Variants in NCAM2 observed in about 807,000 individuals in gnomAD.
NCAM2 encodes the protein N-CAM-2.
A neutral mutation model predicts 98.1 loss-of-function variants in NCAM2; 30 were observed. That is an observed-to-expected ratio of 0.31 (90% CI 0.23 to 0.41). The LOEUF is 0.41. Among genes scored for constraint, NCAM2 ranks in the 10% least tolerant of loss-of-function variants. The pLI is 1.00. For missense variants in NCAM2, 867 were observed against 1,005.8 expected (o/e 0.86, Z 1.87); for synonymous variants, 368 against 342.4 (o/e 1.07, Z -0.83).
intron 1 of NCAM2, among the ~76,000 whole-genome samples, chr21:21,071,592 G>T (rs368667731): frequency 6.6e-6 from 1 of 152,134 alleles, no homozygotes; most frequent in African/African-American, 2.4e-5. Flanking sequence ...TAGCATTGAC[G>T]TATAGAGTTA....
intron 1 of NCAM2, among the ~76,000 whole-genome samples, chr21:21,224,046 C>A (rs1409291306): frequency 2.0e-5 from 3 of 152,082 alleles, no homozygotes; most frequent in Non-Finnish European, 2.9e-5. Context: ...CATTGCGGAG[C>A]TCAGAAAGTA....
At chr21:21,448,708 A>T (rs930478292) in intron 12 of NCAM2, among the ~76,000 whole-genome samples, 2 of 152,072 alleles carry the variant, frequency 1.3e-5, no homozygotes, top group Admixed American at 6.6e-5. Flanking sequence ...ACTATATTTC[A>T]TATGATAAAG....
intron 1 of NCAM2, among the ~76,000 whole-genome samples, chr21:21,193,492 CTTTTTTTTTTTTT>C (rs768928139): frequency 1.6e-5 from 2 of 123,790 alleles, no homozygotes; most frequent in Admixed American, 8.3e-5. Context: ...AGTACTTTTC[CTTTTTTTTTTTTT>C]TTTTTTTTTG....
chr21:21,084,538 G>A (rs942552713), intron 1 of NCAM2, among the ~76,000 whole-genome samples: 21 of 152,122 alleles, frequency 1.4e-4, no homozygotes, highest in African/African-American at 5.1e-4. Flanking sequence ...TGTTATATAA[G>A]TAGAGTCAAA....
intron 8 of NCAM2, among the ~76,000 whole-genome samples, chr21:21,349,779 T>A (rs2075285207): frequency 6.6e-6 from 1 of 152,146 alleles, no homozygotes; most frequent in Admixed American, 6.5e-5. Context: ...ACAGCATGGA[T>A]GGAAGTGGAG....
intron 10 of NCAM2, among the ~76,000 whole-genome samples, chr21:21,411,069 T>TAC (rs1555889864): frequency 0.014 from 445 of 32,808 alleles, 22 homozygotes; most frequent in Non-Finnish European, 0.02. Context: ...TATATATATA[T>TAC]ACACACACAT....
At chr21:21,114,561 G>A (rs1421885775) in intron 1 of NCAM2, among the ~76,000 whole-genome samples, 6 of 152,140 alleles carry the variant, frequency 3.9e-5, no homozygotes, top group Admixed American at 1.3e-4. Context: ...TTTGCCAAAA[G>A]CTGTTTCTTA....
chr21:21,318,275 A>AATTT, intron 5 of NCAM2, among the ~76,000 whole-genome samples: 1 of 152,270 alleles, frequency 6.6e-6, no homozygotes, highest in South Asian at 2.1e-4. Context: ...TTCAAGCTTG[A>AATTT]ATTTATTTAT....
At chr21:21,349,401 T>A (rs2075275862) in intron 8 of NCAM2, among the ~76,000 whole-genome samples, 1 of 152,114 alleles carries the variant, frequency 6.6e-6, no homozygotes, top group African/African-American at 2.4e-5. Flanking sequence ...CTGATTAAAA[T>A]GGCTTATATC....
intron 16 of NCAM2, among the ~76,000 whole-genome samples, chr21:21,520,923 C>T (rs1281745055): frequency 6.6e-6 from 1 of 152,054 alleles, no homozygotes; most frequent in Admixed American, 6.6e-5. Flanking sequence ...AGAATTTTAC[C>T]TTCAGGAGCT....
intron 1 of NCAM2, among the ~76,000 whole-genome samples, chr21:21,109,606 G>T (rs2066415937): frequency 6.6e-6 from 1 of 152,034 alleles, no homozygotes; most frequent in Non-Finnish European, 1.5e-5. Flanking sequence ...ATTTCCACCA[G>T]TTTTTTCTTT....
At chr21:21,505,082 A>G (rs903041276) in intron 15 of NCAM2, among the ~76,000 whole-genome samples, 3 of 152,104 alleles carry the variant, frequency 2.0e-5, no homozygotes, top group African/African-American at 7.2e-5. Context: ...TGACAAAAAG[A>G]TACTTATTTT....
intron 15 of NCAM2, among the ~76,000 whole-genome samples, chr21:21,499,854 A>G (rs948602077): frequency 1.3e-5 from 2 of 152,194 alleles, no homozygotes; most frequent in Non-Finnish European, 2.9e-5. Flanking sequence ...TATTATTTAG[A>G]TATTTCCAAT....
At chr21:21,112,189 CT>C (rs1270652964) in intron 1 of NCAM2, among the ~76,000 whole-genome samples, 3 of 152,060 alleles carry the variant, frequency 2.0e-5, no homozygotes, top group African/African-American at 7.2e-5. Flanking sequence ...GCATAATATT[CT>C]ATAGTGATTC....
intron 1 of NCAM2, among the ~76,000 whole-genome samples, chr21:21,084,738 C>G (rs533338588): frequency 6.6e-6 from 1 of 152,178 alleles, no homozygotes; most frequent in South Asian, 2.1e-4. Flanking sequence ...ATTTTTTCCC[C>G]TCAAGTCTTT....
chr21:21,513,747 T>TG lies in NCAM2; in HGVS notation c.2282+4693dup, dbSNP rs543807029. ...GCATATTTTAGGACTTATGTTTCTC[T>TG]GTTGATTTTCTGCCTGGATGTCTTG... On this transcript the variant is annotated intron_variant, in intron 16 of 17. Coordinates refer to ENST00000400546, the MANE Select transcript of NCAM2 (RefSeq NM_004540.5). 3.9e-3 allele frequency among the ~76,000 whole-genome samples: 598 copies of TG among 152,298 alleles called. 9 individuals carry two copies. Among genetic ancestry groups the TG allele is most frequent in the African/African-American group, 0.014 (577 of 41,554 alleles).
chr21:21,002,654 C>T (rs139643906), intron 1 of NCAM2, among the ~76,000 whole-genome samples: 50 of 152,126 alleles, frequency 3.3e-4, no homozygotes, highest in African/African-American at 1.2e-3. Flanking sequence ...TCATCTCTCA[C>T]AGCAATGAAT....
chr21:21,281,883 A>G (rs1052597033), intron 2 of NCAM2, among the ~76,000 whole-genome samples: 1 of 151,694 alleles, frequency 6.6e-6, no homozygotes, highest in Non-Finnish European at 1.5e-5. Flanking sequence ...ATAATATTTT[A>G]TAAATAAAAG....
At chr21:21,109,316 T>G (rs190829718) in intron 1 of NCAM2, among the ~76,000 whole-genome samples, 61 of 152,268 alleles carry the variant, frequency 4.0e-4, no homozygotes, top group Non-Finnish European at 5.4e-4. Context: ...TTGTTTTATA[T>G]GCACATCTTA....
Sources: allele counts gnomAD v4.1 joint callset (sites outside exome capture counted in the v4.1 genomes callset), GRCh38; gene constraint gnomAD v4.1.1; transcripts MANE v1.5; gene names NCBI Gene and HGNC (gene_info 2026-07-23, HGNC 2026-07-21).